SDK1: variants seen among roughly 807,000 people sequenced by gnomAD.
The protein encoded by SDK1 is protein sidekick-1.
A neutral mutation model predicts 245.5 loss-of-function variants in SDK1; 157 were observed. The observed-to-expected ratio is 0.64, with a 90% CI of 0.56 to 0.73. The LOEUF (loss-of-function observed/expected upper bound fraction) is 0.73, where lower values mean the gene tolerates loss of function less well. Among genes scored for constraint, SDK1 ranks in the 30% least tolerant of loss-of-function variants. SDK1 has a pLI of 0.00. For synonymous variants in SDK1, 1,647 were observed against 1,278.5 expected, an observed-to-expected ratio of 1.29 and a Z score of -6.15; for missense variants, 3,583 against 3,002.3, an observed-to-expected ratio of 1.19 and a Z score of -4.52.
intron 1 of SDK1, among the ~76,000 whole-genome samples, chr7:3,487,111 C>A (rs1251255615): frequency 1.3e-5 from 2 of 152,120 alleles, no homozygotes; most frequent in African/African-American, 4.8e-5. Flanking sequence ...CAGCTCTGTT[C>A]CAATAAAATT....
chr7:4,068,335 G>T (rs1780030946), intron 20 of SDK1, among the ~76,000 whole-genome samples: 1 of 152,172 alleles, frequency 6.6e-6, no homozygotes, highest in African/African-American at 2.4e-5. Flanking sequence ...GGAAACTGAG[G>T]CCCCGAGAGG....
chr7:4,180,700 G>T (rs1288283068), intron 35 of SDK1, among the ~76,000 whole-genome samples: 1 of 152,230 alleles, frequency 6.6e-6, no homozygotes, highest in East Asian at 1.9e-4. Flanking sequence ...TGCTTCTGGG[G>T]CGGCCTCAGG....
intron 4 of SDK1, among the ~76,000 whole-genome samples, chr7:3,754,572 C>A (rs1024977327): frequency 2.6e-5 from 4 of 152,002 alleles, no homozygotes; most frequent in African/African-American, 9.7e-5. Flanking sequence ...TCCCCTGTTC[C>A]CTGCATTCTC....
chr7:3,534,857 C>T (rs773526738), intron 1 of SDK1, among the ~76,000 whole-genome samples: 2 of 152,132 alleles, frequency 1.3e-5, no homozygotes, highest in Non-Finnish European at 2.9e-5. Context: ...AAAATGGTGG[C>T]CCCATCTTCC....
intron 1 of SDK1, among the ~76,000 whole-genome samples, chr7:3,567,034 A>T (rs947134849): frequency 6.6e-6 from 1 of 152,206 alleles, no homozygotes; most frequent in African/African-American, 2.4e-5. Flanking sequence ...TACTGATCCC[A>T]CATTTATTTT....
chr7:3,731,445 T>C (rs17133767), intron 4 of SDK1, among the ~76,000 whole-genome samples: 5,287 of 152,248 alleles, frequency 0.035, 299 homozygotes, highest in African/African-American at 0.12. Flanking sequence ...GCTGGTGAAA[T>C]ACAAGGAAGC....
chr7:3,393,848 A>G (rs1781823997), intron 1 of SDK1, among the ~76,000 whole-genome samples: 1 of 152,050 alleles, frequency 6.6e-6, no homozygotes. Flanking sequence ...CTGTTGTCTT[A>G]TTTAGTTCAG....
At chr7:4,085,090 C>A (rs1781344835) in intron 22 of SDK1, among the ~76,000 whole-genome samples, 1 of 152,122 alleles carries the variant, frequency 6.6e-6, no homozygotes, top group South Asian at 2.1e-4. Flanking sequence ...AATATATTTT[C>A]CCTTACTCTA....
chr7:3,400,210 G>C (rs1583801811), intron 1 of SDK1, among the ~76,000 whole-genome samples: 1 of 152,100 alleles, frequency 6.6e-6, no homozygotes, highest in Non-Finnish European at 1.5e-5. Flanking sequence ...GAGAGGGATG[G>C]AGTAGACCAA....
intron 1 of SDK1, among the ~76,000 whole-genome samples, chr7:3,603,182 G>T (rs141688838): frequency 0.62 from 75,945 of 122,870 alleles, 24,319 homozygotes; most frequent in African/African-American, 0.76. Flanking sequence ...TTTGGTTCCA[G>T]ATGAACTTTA....
At chr7:3,780,976 G>A (rs60732170) in intron 4 of SDK1, among the ~76,000 whole-genome samples, 1,775 of 152,124 alleles carry the variant, frequency 0.012, 35 homozygotes, top group African/African-American at 0.041. Context: ...GACGTAAGCA[G>A]GGAGACTCCC....
At chr7:3,406,278 T>C (rs1779053113) in intron 1 of SDK1, among the ~76,000 whole-genome samples, 1 of 152,218 alleles carries the variant, frequency 6.6e-6, no homozygotes, top group Non-Finnish European at 1.5e-5. Flanking sequence ...ACTGGACTCT[T>C]GGCTTTAAAA....
Position 3,983,042 on chromosome 7 carries a change from C to T in SDK1, c.1995-4144C>T, listed in dbSNP as rs1013210759. ...GGATCCTGAAGATGTAGCTGAACTGCTGCAATCTCATGATCAAACTTGTCC... is the reference window on the plus strand; with the variant it reads ...GGATCCTGAAGATGTAGCTGAACTGTTGCAATCTCATGATCAAACTTGTCC... On this transcript the variant is annotated intron_variant, in intron 13 of 44. Transcript: ENST00000404826. Among the ~76,000 whole-genome samples, 16 of 152,254 alleles carry T rather than the reference C, an allele frequency of 1.1e-4. No individual in the cohort carries two copies. The South Asian group carries it at 1.7e-3, about 16-fold the overall frequency.
chr7:3,363,446 T>C (rs978776848), intron 1 of SDK1, among the ~76,000 whole-genome samples: 1 of 152,212 alleles, frequency 6.6e-6, no homozygotes, highest in African/African-American at 2.4e-5. Flanking sequence ...TAGATTTTAT[T>C]GTGTATCCAT....
intron 4 of SDK1, among the ~76,000 whole-genome samples, chr7:3,741,692 A>C (rs993575311): frequency 3.9e-5 from 6 of 152,156 alleles, no homozygotes; most frequent in Admixed American, 1.3e-4. Context: ...ATGTCTCCAT[A>C]TCACTGACTC....
At chr7:4,160,727 G>A (rs550281673) in intron 31 of SDK1, among the ~76,000 whole-genome samples, 138 of 152,310 alleles carry the variant, frequency 9.1e-4, no homozygotes, top group Non-Finnish European at 1.7e-3. Context: ...TATCACCAGG[G>A]CTGTCAGGAA....
chr7:3,765,903 A>G (rs985712006), intron 4 of SDK1, among the ~76,000 whole-genome samples: 3 of 152,110 alleles, frequency 2.0e-5, no homozygotes, highest in African/African-American at 7.2e-5. Context: ...GATTCAGACT[A>G]CCTCCTTAGA....
At chr7:3,814,094 T>C (rs1345682924) in intron 4 of SDK1, among the ~76,000 whole-genome samples, 3 of 138,964 alleles carry the variant, frequency 2.2e-5, no homozygotes, top group African/African-American at 5.6e-5. Flanking sequence ...TTTCTTTTGC[T>C]GTGCAGAAGC....
chr7:3,647,951 A>G (rs1464387018), intron 4 of SDK1, among the ~76,000 whole-genome samples: 3 of 152,224 alleles, frequency 2.0e-5, no homozygotes, highest in East Asian at 3.8e-4. Flanking sequence ...AAAGACGAAC[A>G]GTATATTGAG....
Sources: gnomAD v4.1 joint callset for allele counts (sites outside exome capture counted in the v4.1 genomes callset) on GRCh38, gnomAD v4.1.1 for gene constraint, MANE v1.5 for transcripts, NCBI Gene and HGNC (gene_info 2026-07-23, HGNC 2026-07-21) for gene names.